NAALADL2: variants seen among roughly 807,000 people sequenced by gnomAD.
NAALADL2 encodes inactive N-acetylated-alpha-linked acidic dipeptidase-like protein 2.
A neutral mutation model predicts 87.2 loss-of-function variants in NAALADL2; 76 were observed. The observed-to-expected ratio is 0.87, with a 90% CI of 0.72 to 1.05. The LOEUF is 1.05. Among genes scored for constraint, NAALADL2 ranks in the 50% least tolerant of loss-of-function variants. NAALADL2 has a pLI of 0.00. For synonymous variants in NAALADL2, 354 were observed against 331.0 expected (o/e 1.07, Z -0.75); for missense variants, 1,089 against 945.8 (o/e 1.15, Z -1.99).
chr3:175,557,836 A>T (rs997635702), intron 9 of NAALADL2, among the ~76,000 whole-genome samples: 2 of 152,100 alleles, frequency 1.3e-5, no homozygotes, highest in African/African-American at 4.8e-5. Context: ...CATTTCTCTG[A>T]TGATTAATGA....
chr3:174,812,481 T>C (rs1354688592), intron 3 of NAALADL2, among the ~76,000 whole-genome samples: 1 of 152,208 alleles, frequency 6.6e-6, no homozygotes, highest in African/African-American at 2.4e-5. Flanking sequence ...AATAAACAAC[T>C]ATGTTCCTGG....
chr3:175,134,890 A>C (rs72622556), intron 2 of NAALADL2, among the ~76,000 whole-genome samples: 1 of 152,184 alleles, frequency 6.6e-6, no homozygotes, highest in East Asian at 1.9e-4. Context: ...GCATAAATCA[A>C]TTTAACTAAA....
At chr3:174,862,978 G>T (rs1726686266) in intron 1 of NAALADL2, among the ~76,000 whole-genome samples, 1 of 152,094 alleles carries the variant, frequency 6.6e-6, no homozygotes, top group Non-Finnish European at 1.5e-5. Flanking sequence ...GGAATGCAGA[G>T]CTAGCTCTAG....
chr3:174,531,088 G>T (rs1721196239), intron 1 of NAALADL2, among the ~76,000 whole-genome samples: 1 of 152,072 alleles, frequency 6.6e-6, no homozygotes, highest in African/African-American at 2.4e-5. Context: ...CATCTAGTTA[G>T]CCCAAATTTA....
intron 1 of NAALADL2, among the ~76,000 whole-genome samples, chr3:174,973,895 T>TTGTA (rs2108619302): frequency 6.6e-6 from 1 of 152,328 alleles, no homozygotes; most frequent in East Asian, 1.9e-4. Flanking sequence ...TGGCATATGA[T>TTGTA]TGTATATCTC....
intron 13 of NAALADL2, among the ~76,000 whole-genome samples, chr3:175,765,008 C>T (rs1346737246): frequency 2.0e-5 from 3 of 151,830 alleles, no homozygotes; most frequent in Non-Finnish European, 2.9e-5. Context: ...AACTAAAATC[C>T]CACCATTGTT....
At chr3:174,624,578 C>G (rs950447987) in intron 2 of NAALADL2, among the ~76,000 whole-genome samples, 3 of 150,446 alleles carry the variant, frequency 2.0e-5, no homozygotes, top group African/African-American at 4.9e-5. Flanking sequence ...GAGCTGAGGT[C>G]ACACCACTGC....
chr3:174,695,052 ATAT>A (rs1299550054), intron 2 of NAALADL2, among the ~76,000 whole-genome samples: 1 of 152,022 alleles, frequency 6.6e-6, no homozygotes, highest in African/African-American at 2.4e-5. Context: ...GTGATACAAA[ATAT>A]TATTAAGACA....
chr3:175,164,693 T>C (rs1439848297), intron 2 of NAALADL2, among the ~76,000 whole-genome samples: 6 of 152,190 alleles, frequency 3.9e-5, no homozygotes, highest in African/African-American at 1.2e-4. Context: ...TATGGTAAAT[T>C]CTTAAAGTGT....
chr3:174,676,449 A>G (rs1041436082), intron 2 of NAALADL2, among the ~76,000 whole-genome samples: 5 of 152,028 alleles, frequency 3.3e-5, no homozygotes, highest in Non-Finnish European at 5.9e-5. Context: ...TGTCTATTCA[A>G]TGTATTCCAA....
intron 3 of NAALADL2, among the ~76,000 whole-genome samples, chr3:174,739,335 GTT>G (rs2109005127): frequency 6.6e-6 from 1 of 152,128 alleles, no homozygotes; most frequent in South Asian, 2.1e-4. Flanking sequence ...CTTGTCTAAT[GTT>G]TTGGCTCAGT....
chr3:175,426,578 A>C (rs1716821569), intron 5 of NAALADL2, among the ~76,000 whole-genome samples: 1 of 152,180 alleles, frequency 6.6e-6, no homozygotes, highest in Non-Finnish European at 1.5e-5. Context: ...TAGTGTTAAC[A>C]GTATTTATGG....
chr3:174,883,020 C>T (rs777747036), intron 1 of NAALADL2, among the ~76,000 whole-genome samples: 21 of 151,858 alleles, frequency 1.4e-4, no homozygotes, highest in Non-Finnish European at 2.4e-4. Context: ...AAAGCCAGTC[C>T]GAGATCCAAA....
intron 2 of NAALADL2, among the ~76,000 whole-genome samples, chr3:174,631,129 TTACTG>T (rs1424079878): frequency 6.6e-6 from 1 of 152,216 alleles, no homozygotes; most frequent in Non-Finnish European, 1.5e-5. Flanking sequence ...TACATGTTGT[TTACTG>T]TATGTGGTCA....
chr3:175,705,489 A>T (rs1384986137), intron 11 of NAALADL2, among the ~76,000 whole-genome samples: 1 of 151,886 alleles, frequency 6.6e-6, no homozygotes, highest in Non-Finnish European at 1.5e-5. Context: ...ATTTTCCTGA[A>T]TGTATATTGT....
intron 2 of NAALADL2, among the ~76,000 whole-genome samples, chr3:174,620,409 C>A (rs1187968548): frequency 9.9e-5 from 15 of 151,932 alleles, no homozygotes; most frequent in Non-Finnish European, 4.4e-5. Context: ...ATTACATGAA[C>A]TACTTTCAGT....
In NAALADL2 at chr3:174,725,780, A is replaced by G. The variant is rs141677665; in HGVS notation, c.-114-11861A>G. On this transcript the variant is annotated intron_variant, in intron 2 of 3. Transcript: ENST00000434257. ...TCAGAAATGTTCTAATTTGAACCAC[A>G]GTGATATTGCTTATAGCAAGAGCCA... Among the ~76,000 whole-genome samples the G allele has an allele frequency of 6.8e-3, 1,043 of 152,298 alleles. 11 individuals are homozygous for G. Among genetic ancestry groups the G allele is most frequent in the Middle Eastern group, 0.034 (10 of 294 alleles).
intron 11 of NAALADL2, among the ~76,000 whole-genome samples, chr3:175,670,274 T>C (rs1733755580): frequency 6.6e-6 from 1 of 151,644 alleles, no homozygotes; most frequent in Admixed American, 6.6e-5. Context: ...CTTCAAAGTA[T>C]TAACAAGAGC....
At chr3:175,069,564 G>A (rs905475442) in intron 1 of NAALADL2, among the ~76,000 whole-genome samples, 1 of 150,094 alleles carries the variant, frequency 6.7e-6, no homozygotes, top group African/African-American at 2.5e-5. Flanking sequence ...AGTGTTGGTG[G>A]GACTGTAAAC....
Sources: allele counts gnomAD v4.1 joint callset (sites outside exome capture counted in the v4.1 genomes callset), GRCh38; gene constraint gnomAD v4.1.1; transcripts MANE v1.5; gene names NCBI Gene and HGNC (gene_info 2026-07-23, HGNC 2026-07-21).